Variants in GALNTL6 observed in about 807,000 individuals in gnomAD.
The protein encoded by GALNTL6 is polypeptide N-acetylgalactosaminyltransferase-like 6.
A neutral mutation model predicts 73.7 loss-of-function variants in GALNTL6; 46 were observed. The observed-to-expected ratio is 0.62, with a 90% CI of 0.49 to 0.80. GALNTL6 has a LOEUF of 0.80. Ranked by LOEUF, GALNTL6 falls within the 30% of genes least tolerant of loss-of-function variation. The pLI, the probability that GALNTL6 is intolerant of heterozygous loss-of-function variation, is 0.00. For missense variants in GALNTL6, 604 were observed against 755.0 expected, an observed-to-expected ratio of 0.80 and a Z score of 2.34; for synonymous variants, 259 against 263.7, an observed-to-expected ratio of 0.98 and a Z score of 0.17.
At chr4:172,390,610 AGCATAGT>A (rs1188977201) in intron 5 of GALNTL6, among the ~76,000 whole-genome samples, 1 of 152,168 alleles carries the variant, frequency 6.6e-6, no homozygotes, top group African/African-American at 2.4e-5. Flanking sequence ...CAGATAGAAA[AGCATAGT>A]TTATACAAAA....
intron 5 of GALNTL6, among the ~76,000 whole-genome samples, chr4:172,700,039 T>C (rs1733939350): frequency 6.6e-6 from 1 of 152,144 alleles, no homozygotes; most frequent in Non-Finnish European, 1.5e-5. Context: ...TGCATAAGGA[T>C]TTATCAAAAA....
In GALNTL6 at chr4:171,923,749, T is replaced by C. The variant is rs184033142; in HGVS notation, c.138+109031T>C. Among the ~76,000 whole-genome samples the C allele has an allele frequency of 6.0e-5, 9 of 150,222 alleles. No individual in the cohort carries two copies. In the East Asian group the frequency reaches 1.8e-3, roughly 30 times the overall value. ...ATATCTCAGTAGCCATTTGCAACTC[T>C]TCTCCTTTTAGCTACCAGGACACAC... On this transcript the variant is annotated intron_variant, in intron 2 of 12. Coordinates refer to ENST00000506823, the MANE Select transcript of GALNTL6 (RefSeq NM_001034845.3).
chr4:172,764,847 C>T (rs1738315806), intron 5 of GALNTL6, among the ~76,000 whole-genome samples: 1 of 152,176 alleles, frequency 6.6e-6, no homozygotes, highest in Non-Finnish European at 1.5e-5. Flanking sequence ...ATATAGACTA[C>T]TGAAGGTTAA....
intron 2 of GALNTL6, among the ~76,000 whole-genome samples, chr4:172,131,870 T>C (rs1733508543): frequency 6.6e-6 from 1 of 151,932 alleles, no homozygotes. Flanking sequence ...CCATGTAAAA[T>C]TGACATCAGA....
intron 2 of GALNTL6, among the ~76,000 whole-genome samples, chr4:172,106,663 C>T (rs192860455): frequency 6.6e-6 from 1 of 151,976 alleles, no homozygotes; most frequent in African/African-American, 2.4e-5. Flanking sequence ...ATATTAAATA[C>T]TAAAATAAAT....
rs142519008 is a variant in GALNTL6 at position 172,679,128 on chromosome 4, C to A, written c.554-130233C>A. On this transcript the variant is annotated intron_variant, in intron 5 of 12. Coordinates refer to ENST00000506823, the MANE Select transcript of GALNTL6 (RefSeq NM_001034845.3). ...AAAAATCATTTAAAAAATGTAAAGG[C>A]TGGCTGGGCACAGTGGCTCACACCT... Among the ~76,000 whole-genome samples the A allele has an allele frequency of 4.4e-3, 676 of 152,194 alleles. 5 individuals are homozygous for A. Among genetic ancestry groups the A allele is most frequent in the African/African-American group, 0.016 (646 of 41,532 alleles).
intron 3 of GALNTL6, among the ~76,000 whole-genome samples, chr4:172,301,485 C>A (rs1425525497): frequency 6.6e-6 from 1 of 152,104 alleles, no homozygotes; most frequent in Non-Finnish European, 1.5e-5. Flanking sequence ...TGTTTTTTCC[C>A]CATCTTTGTG....
At chr4:172,219,830 T>A (rs958628941) in intron 2 of GALNTL6, among the ~76,000 whole-genome samples, 13 of 151,976 alleles carry the variant, frequency 8.6e-5, no homozygotes, top group Non-Finnish European at 1.8e-4. Context: ...ATAGCCAATA[T>A]AATGGAAAGC....
chr4:172,947,064 A>G (rs1749203326), intron 9 of GALNTL6, among the ~76,000 whole-genome samples: 1 of 152,176 alleles, frequency 6.6e-6, no homozygotes, highest in Non-Finnish European at 1.5e-5. Flanking sequence ...AATTTTAGCC[A>G]GGGAGAAATT....
intron 5 of GALNTL6, among the ~76,000 whole-genome samples, chr4:172,488,601 C>T (rs1214726485): frequency 9.8e-5 from 15 of 152,288 alleles, no homozygotes; most frequent in Non-Finnish European, 7.3e-5. Context: ...GAAGAAGCTG[C>T]ATGGCCTTCA....
intron 5 of GALNTL6, among the ~76,000 whole-genome samples, chr4:172,787,414 A>G (rs1739722285): frequency 6.6e-6 from 1 of 152,180 alleles, no homozygotes; most frequent in Admixed American, 6.5e-5. Context: ...CTAGAGAATA[A>G]AGCTTAGTGA....
chr4:172,520,686 A>G (rs934259845), intron 5 of GALNTL6, among the ~76,000 whole-genome samples: 3 of 151,972 alleles, frequency 2.0e-5, no homozygotes, highest in Non-Finnish European at 4.4e-5. Context: ...TTCAAAATTA[A>G]ACTGTTTTCT....
intron 2 of GALNTL6, among the ~76,000 whole-genome samples, chr4:171,923,398 G>GTT (rs565298275): frequency 0.045 from 5,581 of 124,212 alleles, 539 homozygotes; most frequent in African/African-American, 0.16. Context: ...CCCTGACTTT[G>GTT]TTTTTTTTTT....
intron 5 of GALNTL6, among the ~76,000 whole-genome samples, chr4:172,455,968 G>A (rs1001034617): frequency 3.3e-5 from 5 of 152,148 alleles, no homozygotes; most frequent in Admixed American, 3.3e-4. Context: ...GCATCTGACG[G>A]TTACCCCTCT....
chr4:172,389,523 A>T (rs961883279), intron 5 of GALNTL6, among the ~76,000 whole-genome samples: 1 of 152,154 alleles, frequency 6.6e-6, no homozygotes, highest in Non-Finnish European at 1.5e-5. Flanking sequence ...GAAAATTGTA[A>T]TAAGTTCTGT....
At chr4:172,756,802 TTC>T (rs563274012) in intron 5 of GALNTL6, among the ~76,000 whole-genome samples, 155 of 152,304 alleles carry the variant, frequency 1.0e-3, no homozygotes, top group African/African-American at 3.1e-3. Context: ...TAAGGTTGAC[TTC>T]TCTGTTTCCA....
At chr4:172,498,220 C>T (rs1354594535) in intron 5 of GALNTL6, among the ~76,000 whole-genome samples, 2 of 151,430 alleles carry the variant, frequency 1.3e-5, no homozygotes, top group Non-Finnish European at 3.0e-5. Flanking sequence ...TATCTCTTGA[C>T]CTCGTGATCC....
At chr4:172,422,842 G>T (rs1731099255) in intron 5 of GALNTL6, among the ~76,000 whole-genome samples, 1 of 151,228 alleles carries the variant, frequency 6.6e-6, no homozygotes, top group Non-Finnish European at 1.5e-5. Flanking sequence ...GTAAAACCTT[G>T]AACTAATCTA....
chr4:172,814,064 A>G (rs1402174005), intron 7 of GALNTL6, among the ~76,000 whole-genome samples: 2 of 152,326 alleles, frequency 1.3e-5, no homozygotes, highest in African/African-American at 2.4e-5. Flanking sequence ...ACTTTTCCCT[A>G]AAGGATTACT....
Sources: gnomAD v4.1 joint callset for allele counts (sites outside exome capture counted in the v4.1 genomes callset) on GRCh38, gnomAD v4.1.1 for gene constraint, MANE v1.5 for transcripts, NCBI Gene and HGNC (gene_info 2026-07-23, HGNC 2026-07-21) for gene names.